CNTN1: variants seen among roughly 807,000 people sequenced by gnomAD.
CNTN1 encodes the protein contactin-1.
A neutral mutation model predicts 126.4 loss-of-function variants in CNTN1; 38 were observed. The observed-to-expected ratio is 0.30, with a 90% CI of 0.23 to 0.39. CNTN1 has a LOEUF of 0.39. Ranked by LOEUF, CNTN1 falls within the 10% of genes least tolerant of loss-of-function variation. The pLI is 1.00. For missense variants in CNTN1, 1,009 were observed against 1,248.4 expected (o/e 0.81, Z 2.89); for synonymous variants, 413 against 422.6 (o/e 0.98, Z 0.28).
intron 1 of CNTN1, among the ~76,000 whole-genome samples, chr12:40,898,183 A>G (rs1285870462): frequency 6.6e-6 from 1 of 152,166 alleles, no homozygotes; most frequent in Non-Finnish European, 1.5e-5. Flanking sequence ...GGGGTATAGA[A>G]AAAGGAATGA....
intron 17 of CNTN1, among the ~76,000 whole-genome samples, chr12:41,010,144 G>T (rs1404322154): frequency 1.3e-5 from 2 of 152,122 alleles, no homozygotes; most frequent in Non-Finnish European, 2.9e-5. Context: ...TGTTCACAAG[G>T]AGATCTACCT....
rs149484337 is a variant in CNTN1, at chr12:40,842,797, C to A, written c.-76-65560C>A. On this transcript the variant is annotated intron_variant, in intron 1 of 23. Transcript: ENST00000551295. ...AGCACATGAATTATTAATATGAATACATTATTATTTGTCACACCATCCAAT... is the reference window on the plus strand; with the variant it reads ...AGCACATGAATTATTAATATGAATAAATTATTATTTGTCACACCATCCAAT... 2.3e-3 allele frequency among the ~76,000 whole-genome samples: 353 copies of A among 152,196 alleles called. 1 individual carries two copies. Among genetic ancestry groups the A allele is most frequent in the Non-Finnish European group, 4.4e-3 (300 of 67,948 alleles).
chr12:40,862,206 A>AAC (rs557164441), intron 1 of CNTN1, among the ~76,000 whole-genome samples: 15 of 94,162 alleles, frequency 1.6e-4, no homozygotes, highest in Non-Finnish European at 2.2e-4. Context: ...CTTGTCTCTT[A>AAC]ATACACACAC....
intron 1 of CNTN1, among the ~76,000 whole-genome samples, chr12:40,699,134 C>T (rs188560995): frequency 6.6e-6 from 1 of 152,242 alleles, no homozygotes; most frequent in East Asian, 1.9e-4. Context: ...TGATTGGTTA[C>T]TTGTCTCTTG....
chr12:40,800,147 G>A (rs796513327), intron 1 of CNTN1, among the ~76,000 whole-genome samples: 97 of 152,008 alleles, frequency 6.4e-4, no homozygotes, highest in African/African-American at 2.1e-3. Context: ...TCATGGGGGT[G>A]GTTTTCCTCA....
rs149800822 is a variant in CNTN1 at position 40,731,559 on chromosome 12, G to A, written c.-77+38967G>A. ...TACATATTCTTTAGATATTTTGCTC[G>A]CAGGGATTTTTATTGGGGAAAGAAT... On this transcript the variant is annotated intron_variant, in intron 1 of 23. Coordinates refer to ENST00000551295, the MANE Select transcript of CNTN1 (RefSeq NM_001843.4). Among the ~76,000 whole-genome samples, 220 of 151,896 alleles carry A rather than the reference G, an allele frequency of 1.4e-3. 4 individuals carry two copies. The East Asian group carries it at 0.031, about 21-fold the overall frequency.
chr12:40,784,649 G>T (rs1939937585), intron 1 of CNTN1, among the ~76,000 whole-genome samples: 1 of 152,100 alleles, frequency 6.6e-6, no homozygotes, highest in South Asian at 2.1e-4. Context: ...AGCCTGGTTT[G>T]CCCAAGTTGG....
chr12:40,939,575 G>A, intron 12 of CNTN1, 90 bp downstream of exon 12: 7 of 1,460,170 alleles, frequency 4.8e-6, no homozygotes, highest in Middle Eastern at 1.8e-4. Flanking sequence ...TAATGAAAAT[G>A]TTTTTTGCTC....
chr12:40,917,370 C>T (rs1015097429), intron 3 of CNTN1, among the ~76,000 whole-genome samples: 1 of 152,028 alleles, frequency 6.6e-6, no homozygotes, highest in African/African-American at 2.4e-5. Flanking sequence ...TGATAATAAC[C>T]TTTTCAGGTA....
At chr12:40,717,596 T>A (rs898767147) in intron 1 of CNTN1, among the ~76,000 whole-genome samples, 1 of 152,230 alleles carries the variant, frequency 6.6e-6, no homozygotes, top group Non-Finnish European at 1.5e-5. Context: ...TAAAATCATT[T>A]TCAGATGAAC....
intron 1 of CNTN1, among the ~76,000 whole-genome samples, chr12:40,752,381 G>T (rs536863409): frequency 1.3e-5 from 2 of 152,174 alleles, no homozygotes; most frequent in Admixed American, 1.3e-4. Context: ...GGATTTTAAG[G>T]TTCTTTCCTT....
chr12:40,830,253 A>C (rs1040000802), intron 1 of CNTN1, among the ~76,000 whole-genome samples: 1 of 152,134 alleles, frequency 6.6e-6, no homozygotes. Flanking sequence ...GGTGGTTATA[A>C]TTAATTTTTA....
At chr12:40,844,171 G>A (rs1282776778) in intron 1 of CNTN1, among the ~76,000 whole-genome samples, 2 of 147,722 alleles carry the variant, frequency 1.4e-5, no homozygotes, top group East Asian at 2.1e-4. Context: ...GGGTTCAAGC[G>A]ATTCTTCTGC....
chr12:40,808,561 A>T (rs1039319051), intron 1 of CNTN1, among the ~76,000 whole-genome samples: 2 of 152,222 alleles, frequency 1.3e-5, no homozygotes, highest in African/African-American at 4.8e-5. Flanking sequence ...TTAGCATTTT[A>T]AAAATATAAT....
intron 15 of CNTN1, among the ~76,000 whole-genome samples, chr12:40,978,000 A>C (rs1947727570): frequency 6.6e-6 from 1 of 152,018 alleles, no homozygotes; most frequent in East Asian, 1.9e-4. Flanking sequence ...ATCCGGTTTC[A>C]CTATGTTGGC....
chr12:41,050,630 A>G (rs941607953), intron 23 of CNTN1, among the ~76,000 whole-genome samples: 10 of 152,206 alleles, frequency 6.6e-5, no homozygotes, highest in African/African-American at 2.4e-4. Flanking sequence ...AACCATTATC[A>G]TATGCCTTGA....
At chr12:40,795,560 T>C (rs1200120224) in intron 1 of CNTN1, among the ~76,000 whole-genome samples, 1 of 151,488 alleles carries the variant, frequency 6.6e-6, no homozygotes, top group East Asian at 1.9e-4. Flanking sequence ...ATATATAGGT[T>C]CTGTTGGTTC....
At position 40,899,938 on chromosome 12, in the gene CNTN1, T is replaced by A. The variant is rs939743162; in HGVS notation, c.-76-8419T>A. On this transcript the variant is annotated intron_variant, in intron 1 of 23. Transcript: ENST00000551295. Reference sequence around the variant, plus strand: ...GCAAAGACAGATACTAAGTATCTTTTAAAAAAATTAAGTAATAAACGATAA... The same window carrying A: ...GCAAAGACAGATACTAAGTATCTTTAAAAAAAATTAAGTAATAAACGATAA... Among the ~76,000 whole-genome samples the A allele has an allele frequency of 5.9e-5, 9 of 152,258 alleles. No homozygotes were observed. The East Asian group carries it at 1.4e-3, about 23-fold the overall frequency.
chr12:41,021,167 G>A (rs1948897879), intron 20 of CNTN1, among the ~76,000 whole-genome samples: 1 of 152,194 alleles, frequency 6.6e-6, no homozygotes, highest in Non-Finnish European at 1.5e-5. Context: ...CTTTACAGAT[G>A]AGCAAATGGA....
Sources: gnomAD v4.1 joint callset for allele counts (sites outside exome capture counted in the v4.1 genomes callset) on GRCh38, gnomAD v4.1.1 for gene constraint, MANE v1.5 for transcripts, NCBI Gene and HGNC (gene_info 2026-07-23, HGNC 2026-07-21) for gene names.